The following HERC2 variants were observed in gnomAD, a reference collection of about 807,000 sequenced individuals.
The protein encoded by HERC2 is HECT and RLD domain containing E3 ubiquitin protein ligase 2, also known as E3 ubiquitin-protein ligase HERC2.
HERC2 carries 102 observed loss-of-function variants against 537.7 expected under a neutral mutation model. The ratio of observed to expected loss-of-function variants is 0.19; its 90% CI spans 0.16 to 0.22. The LOEUF is 0.22. Ranked by LOEUF, HERC2 falls within the 10% of genes least tolerant of loss-of-function variation. The pLI, the probability that HERC2 is intolerant of heterozygous loss-of-function variation, is 1.00. For synonymous variants in HERC2, 2,224 were observed against 2,466.2 expected, an observed-to-expected ratio of 0.90 and a Z score of 2.91; for missense variants, 4,236 against 6,198.2, an observed-to-expected ratio of 0.68 and a Z score of 10.63.
At chr15:28,173,616 T>C (rs988516299) in intron 65 of HERC2, among the ~76,000 whole-genome samples, 5 of 151,736 alleles carry the variant, frequency 3.3e-5, no homozygotes, top group Non-Finnish European at 4.4e-5. Flanking sequence ...CTGAGCAACA[T>C]GGCAAAACCC....
rs1895386260 is a variant in HERC2, at chr15:28,177,329, T to C, written c.9254+90A>G. 5 of 1,399,498 alleles carry C rather than the reference T, an allele frequency of 3.6e-6. No homozygotes were observed. The highest frequency in any genetic ancestry group is 5.0e-6 in the Non-Finnish European group (5 of 995,886). 86.7% of individuals were successfully genotyped at this position (1,399,498 alleles called of 1,614,324 possible). On this transcript the variant is annotated intron_variant, in intron 60 of 92. Transcript: ENST00000261609. The surrounding 1 kb of genome is among the most constrained non-coding windows in gnomAD (Gnocchi z 5.0). ...TTTAAGAACCATTTCTATAATCTAT[T>C]CTATTCTAATTTTCTGCAAAATAAT...
At position 28,218,524 on chromosome 15, in the gene HERC2, C is replaced by T. The variant is rs777287585; in HGVS notation, c.5993G>A (p.Arg1998Gln). Residue 1998 changes from arginine (R) to glutamine (Q), a missense_variant, in exon 38 of 93, where the codon CGA becomes CAA. Arg to Gln is a conservative substitution (Grantham distance 43). Transcript: ENST00000261609. ...CGTCGTTCCGCTTTCCACTAACATT[C>T]GCAGCAGTCCGCATAAAGTCTTGGT... Reference protein sequence around the residue: ...EATKTLCGLLRMLVESGTTDK... With the variant: ...EATKTLCGLLQMLVESGTTDK... 29 of 1,596,992 alleles carry T rather than the reference C, an allele frequency of 1.8e-5. No individual in the cohort carries two copies. The highest frequency in any genetic ancestry group is 2.2e-5 in the South Asian group (2 of 90,992).
chr15:28,300,234 A>C (rs1416511025), intron 2 of HERC2, among the ~76,000 whole-genome samples: 1 of 151,324 alleles, frequency 6.6e-6, no homozygotes, highest in African/African-American at 2.4e-5. Context: ...AGTATACTTT[A>C]GATGTCTTTA....
chr15:28,290,193 T>G (rs1359805967), intron 4 of HERC2, among the ~76,000 whole-genome samples: 1 of 152,178 alleles, frequency 6.6e-6, no homozygotes, highest in African/African-American at 2.4e-5. Context: ...TTAGTTCAAC[T>G]CCTCTCCTAA....
At chr15:28,270,925 C>T in intron 9 of HERC2, 57 bp from the exon 10 acceptor site, 3 of 1,495,686 alleles carry the variant, frequency 2.0e-6, no homozygotes, top group South Asian at 1.2e-5. Context: ...AAAGTTAACA[C>T]AATTAACCTT....
rs1203514093 is a variant in HERC2 at position 28,272,395 on chromosome 15, GAA to G, written c.912-11_912-10del. On this transcript the variant is annotated splice_polypyrimidine_tract_variant and intron_variant, in intron 8 of 92. Coordinates refer to ENST00000261609, the MANE Select transcript of HERC2 (RefSeq NM_004667.6). ...TGGCAGACAACATTTGGCTAAAGGA[GAA>G]AAGATATTTATTCTAGTAAAAACAG... 1 of 1,608,116 alleles carries G rather than the reference GAA, an allele frequency of 6.2e-7. No individual in the cohort carries two copies. Among genetic ancestry groups the G allele is most frequent in the South Asian group, 1.1e-5 (1 of 90,110 alleles).
In HERC2 at chr15:28,230,450, C is replaced by T. The variant is rs1292653175; in HGVS notation, c.4726G>A (p.Glu1576Lys). 1 of 1,422,620 alleles carries T rather than the reference C, an allele frequency of 7.0e-7. No homozygotes were observed. The highest frequency in any genetic ancestry group is 1.4e-5 in the African/African-American group (1 of 70,416). The allele number at this position is 1,422,620 out of a possible 1,614,324, so 88.1% of individuals were successfully genotyped here. A position where few individuals can be genotyped will look rare whatever the true frequency, so the allele number is the denominator to read the frequency against. ...ATGCAAGCTTCTTCTAAATCACTCT[C>T]TTCGTTTCCAATTTTTTCTTCATCA... ...TDDEEKIGNE[E>K]SDLEEACILP... The change falls in exon 31 of 93, where the codon GAG (glutamate) becomes AAG (lysine). Residue 1576 changes from glutamate (E) to lysine (K), a missense_variant. Around this residue, in one of 27 missense-constraint regions of HERC2, gnomAD observed 343 missense variants for 417.2 expected, o/e 0.82. Transcript: ENST00000261609.
At chr15:28,193,266 C>A (rs540354780) in intron 52 of HERC2, among the ~76,000 whole-genome samples, 9 of 152,018 alleles carry the variant, frequency 5.9e-5, no homozygotes, top group Non-Finnish European at 1.2e-4. Flanking sequence ...TTACTGTGTT[C>A]AAAAAGATAA....
At chr15:28,287,363 C>T (rs923610877) in intron 4 of HERC2, among the ~76,000 whole-genome samples, 1 of 152,084 alleles carries the variant, frequency 6.6e-6, no homozygotes, top group African/African-American at 2.4e-5. Flanking sequence ...GGTAGAGAGT[C>T]GGTTCTGCGA....
At chr15:28,285,803 C>CAAAAAAAAAAAAAAAAAAAA (rs3079904) in intron 4 of HERC2, among the ~76,000 whole-genome samples, 4 of 72,378 alleles carry the variant, frequency 5.5e-5, no homozygotes, top group South Asian at 4.3e-4. Context: ...GCATGACTGA[C>CAAAAAAAAAAAAAAAAAAAA]AAAAAAAAAA....
intron 86 of HERC2, chr15:28,117,732 C>A (rs909915734): frequency 8.2e-6 from 3 of 364,758 alleles, no homozygotes; most frequent in Admixed American, 7.0e-5. Flanking sequence ...GCCACTCAGC[C>A]TCCCCAACAC....
At chr15:28,165,324 G>GACTGA (rs1894019144) in intron 68 of HERC2, among the ~76,000 whole-genome samples, 1 of 152,214 alleles carries the variant, frequency 6.6e-6, no homozygotes, top group South Asian at 2.1e-4. Flanking sequence ...TATCTAAGGG[G>GACTGA]ACTGAACTGT....
intron 2 of HERC2, among the ~76,000 whole-genome samples, chr15:28,306,101 T>C (rs2076779771): frequency 6.6e-6 from 1 of 152,242 alleles, no homozygotes; most frequent in Non-Finnish European, 1.5e-5. Flanking sequence ...TAGTCCATTA[T>C]TATATTGAAT....
At position 28,266,582 on chromosome 15, in the gene HERC2, T is replaced by G. The variant is rs548562186; in HGVS notation, c.1599-608A>C. Reference sequence around the variant, plus strand: ...CAATGTCCCAAAACCATGGTCCATCTGCAACAGAAGGAATGAATTACCCAT... The same window carrying G: ...CAATGTCCCAAAACCATGGTCCATCGGCAACAGAAGGAATGAATTACCCAT... On this transcript the variant is annotated intron_variant, in intron 12 of 92. Coordinates refer to ENST00000261609, the MANE Select transcript of HERC2 (RefSeq NM_004667.6). Among the ~76,000 whole-genome samples the G allele has an allele frequency of 5.9e-5, 9 of 152,294 alleles. No individual in the cohort carries two copies. The South Asian group carries it at 1.4e-3, about 25-fold the overall frequency.
intron 17 of HERC2, among the ~76,000 whole-genome samples, chr15:28,256,723 T>C (rs368264669): frequency 2.6e-5 from 4 of 151,992 alleles, no homozygotes; most frequent in Non-Finnish European, 5.9e-5. Flanking sequence ...GCCTCCCGAG[T>C]AGCTGGAACT....
Position 28,322,058 on chromosome 15 carries a change from G to A in HERC2, c.-32+17C>T, listed in dbSNP as rs2077245630. 1 of 90,134 alleles carries A rather than the reference G, an allele frequency of 1.1e-5. No homozygotes were observed. The highest frequency in any genetic ancestry group is 5.4e-5 in the African/African-American group (1 of 18,380). The allele number at this position is 90,134 out of a possible 1,614,324, so 5.6% of individuals were successfully genotyped here. Reference sequence around the variant, plus strand: ...ACCGCCCCCGCCACCGGCCGCCCAGGTGCCCCAGGCCAGGACCTGACGCGC... The same window carrying A: ...ACCGCCCCCGCCACCGGCCGCCCAGATGCCCCAGGCCAGGACCTGACGCGC... On this transcript the variant is annotated intron_variant, in intron 1 of 92. Coordinates refer to ENST00000261609, the MANE Select transcript of HERC2 (RefSeq NM_004667.6).
Position 28,299,450 on chromosome 15 carries a change from A to G in HERC2, c.139T>C (p.Tyr47His). The G allele has an allele frequency of 6.3e-7, 1 of 1,599,966 alleles. No individual in the cohort carries two copies. The highest frequency in any genetic ancestry group is 1.1e-5 in the South Asian group (1 of 90,688). The change falls in exon 3 of 93, where the codon TAC becomes CAC. Residue 47 changes from tyrosine (Y) to histidine (H), a missense_variant. By Grantham distance (83) the Tyr-to-His change is moderately conservative. Coordinates refer to ENST00000261609, the MANE Select transcript of HERC2 (RefSeq NM_004667.6). ...NEMVKDGEIVYTGTESTQNGE... is the reference protein window; with the variant it reads ...NEMVKDGEIVHTGTESTQNGE... Reference sequence around the variant, plus strand: ...TTCTGGGTTGATTCTGTTCCAGTGTATACAATTTCTCCATCTTTAACCATT... The same window carrying G: ...TTCTGGGTTGATTCTGTTCCAGTGTGTACAATTTCTCCATCTTTAACCATT...
chr15:28,166,207 G>T (rs758267628), intron 68 of HERC2, among the ~76,000 whole-genome samples: 1 of 152,010 alleles, frequency 6.6e-6, no homozygotes, highest in Non-Finnish European at 1.5e-5. Context: ...CCAAACCAAA[G>T]ACATCACAAG....
chr15:28,195,106 A>G (rs1333032235), intron 52 of HERC2, among the ~76,000 whole-genome samples: 1 of 152,140 alleles, frequency 6.6e-6, no homozygotes, highest in Admixed American at 6.5e-5. Flanking sequence ...CAGAATGAAG[A>G]TAAATGATCT....
Sources: gnomAD v4.1 joint callset for allele counts (sites outside exome capture counted in the v4.1 genomes callset) on GRCh38, gnomAD v4.1.1 for gene constraint, gnomAD v4.1.1 regional missense constraint, Gnocchi (gnomAD v3.1) non-coding constraint, MANE v1.5 for transcripts, NCBI Gene and HGNC (gene_info 2026-07-23, HGNC 2026-07-21) for gene names.